The following TENM4 variants were observed in gnomAD, a reference collection of about 807,000 sequenced individuals.
TENM4 encodes the protein teneurin-4.
A neutral mutation model predicts 243.3 loss-of-function variants in TENM4; 82 were observed. The observed-to-expected ratio is 0.34, with a 90% CI of 0.28 to 0.40. The LOEUF (loss-of-function observed/expected upper bound fraction) is 0.40. Ranked by LOEUF, TENM4 falls within the 10% of genes least tolerant of loss-of-function variation. TENM4 has a pLI of 1.00. For missense variants in TENM4, 3,138 were observed against 3,673.3 expected, an observed-to-expected ratio of 0.85 and a Z score of 3.77; for synonymous variants, 1,412 against 1,456.3, an observed-to-expected ratio of 0.97 and a Z score of 0.69.
intron 1 of TENM4, among the ~76,000 whole-genome samples, chr11:79,330,178 T>C (rs992467007): frequency 6.6e-6 from 1 of 152,122 alleles, no homozygotes; most frequent in South Asian, 2.1e-4. Context: ...CTGGGAAGAA[T>C]GGTATACAAG....
chr11:79,261,071 G>A (rs1236828579), intron 2 of TENM4, among the ~76,000 whole-genome samples: 2 of 152,232 alleles, frequency 1.3e-5, no homozygotes, highest in Non-Finnish European at 2.9e-5. Context: ...TTTGCCATGA[G>A]GCACAGGGGG....
intron 1 of TENM4, among the ~76,000 whole-genome samples, chr11:79,431,649 A>C (rs919448114): frequency 2.0e-5 from 3 of 152,238 alleles, no homozygotes; most frequent in Non-Finnish European, 4.4e-5. Flanking sequence ...TAGTAAGACA[A>C]GTGAAAAATA....
chr11:79,274,918 G>A (rs575856848), intron 2 of TENM4, among the ~76,000 whole-genome samples: 91 of 152,292 alleles, frequency 6.0e-4, no homozygotes, highest in Middle Eastern at 3.4e-3. Context: ...TTTCCTGCAG[G>A]GAGTTGGGAA....
chr11:79,178,254 A>G (rs2135132084), intron 3 of TENM4, among the ~76,000 whole-genome samples: 1 of 152,290 alleles, frequency 6.6e-6, no homozygotes, highest in Non-Finnish European at 1.5e-5. Context: ...GGCTTTGTGC[A>G]TGTTAGGTTT....
chr11:79,222,383 AT>A (rs1211384171), intron 2 of TENM4, among the ~76,000 whole-genome samples: 1 of 151,502 alleles, frequency 6.6e-6, no homozygotes, highest in Non-Finnish European at 1.5e-5. Context: ...TATGTACAAC[AT>A]TTTTTTTCAT....
rs141470834 is a variant in TENM4, at chr11:79,128,632, C to A, written c.-66+20078G>T. ...GATGATTCTGCATGATATGCATGCA[C>A]CACCTGGAAGTGGACAGCTGCAGCA... is the stretch of plus-strand genomic sequence containing the variant. On this transcript the variant is annotated intron_variant, in intron 4 of 33. Coordinates refer to ENST00000278550, the MANE Select transcript of TENM4 (RefSeq NM_001098816.3). 6.9e-3 allele frequency among the ~76,000 whole-genome samples: 1,047 copies of A among 152,324 alleles called. 12 individuals are homozygous for A. Among genetic ancestry groups the A allele is most frequent in the African/African-American group, 0.024 (991 of 41,564 alleles).
intron 14 of TENM4, among the ~76,000 whole-genome samples, chr11:78,809,806 T>C (rs529155881): frequency 1.3e-5 from 2 of 152,286 alleles, no homozygotes; most frequent in South Asian, 2.1e-4. Flanking sequence ...GGCAGAAGCA[T>C]AGCCCATTAA....
chr11:79,148,003 C>G (rs2135049448), intron 4 of TENM4, among the ~76,000 whole-genome samples: 1 of 152,194 alleles, frequency 6.6e-6, no homozygotes, highest in South Asian at 2.1e-4. Context: ...CTTGTTTTCA[C>G]CAAGCTCAGA....
intron 6 of TENM4, among the ~76,000 whole-genome samples, chr11:78,946,835 T>G (rs2136475975): frequency 6.6e-6 from 1 of 152,258 alleles, no homozygotes; most frequent in South Asian, 2.1e-4. Context: ...AAAATAGAAG[T>G]GGAGCCTCAA....
At chr11:78,997,247 C>A (rs768088132) in intron 6 of TENM4, among the ~76,000 whole-genome samples, 5 of 152,192 alleles carry the variant, frequency 3.3e-5, no homozygotes, top group Non-Finnish European at 4.4e-5. Flanking sequence ...CCAGCGTGTT[C>A]TCTCCATGAG....
intron 6 of TENM4, among the ~76,000 whole-genome samples, chr11:79,059,875 G>A (rs1244688003): frequency 6.6e-6 from 1 of 152,170 alleles, no homozygotes; most frequent in East Asian, 1.9e-4. Flanking sequence ...AGGACTTGAG[G>A]CCAGGTCTCC....
chr11:79,294,100 A>AAATAT (rs1313455388), intron 2 of TENM4, among the ~76,000 whole-genome samples: 2 of 152,214 alleles, frequency 1.3e-5, no homozygotes, highest in African/African-American at 4.8e-5. Context: ...TCTTTAATGC[A>AAATAT]TGGCTAATGA....
intron 4 of TENM4, among the ~76,000 whole-genome samples, chr11:79,088,061 G>A (rs1047831200): frequency 6.6e-6 from 1 of 152,218 alleles, no homozygotes; most frequent in Admixed American, 6.5e-5. Context: ...TCCTCACTTT[G>A]TTCTCTTGAT....
chr11:78,847,743 A>C (rs1175136760), intron 12 of TENM4, among the ~76,000 whole-genome samples: 1 of 150,864 alleles, frequency 6.6e-6, no homozygotes, highest in Non-Finnish European at 1.5e-5. Context: ...ATATCTTATA[A>C]TATAATTCAG....
intron 6 of TENM4, among the ~76,000 whole-genome samples, chr11:78,929,625 G>A (rs186020130): frequency 2.0e-4 from 31 of 152,198 alleles, no homozygotes; most frequent in African/African-American, 6.7e-4. Flanking sequence ...CAGGGCCCCC[G>A]GGGGAGATGG....
At chr11:79,228,755 A>G (rs989414697) in intron 2 of TENM4, among the ~76,000 whole-genome samples, 2 of 152,188 alleles carry the variant, frequency 1.3e-5, no homozygotes, top group Non-Finnish European at 2.9e-5. Context: ...CCAGTTAGAG[A>G]TTATAGAAAA....
At chr11:79,076,924 G>A (rs1860548610) in intron 4 of TENM4, among the ~76,000 whole-genome samples, 1 of 152,034 alleles carries the variant, frequency 6.6e-6, no homozygotes, top group South Asian at 2.1e-4. Flanking sequence ...TTATCAATGA[G>A]ATAACAAGCC....
chr11:78,942,545 G>A (rs528692860), intron 6 of TENM4, among the ~76,000 whole-genome samples: 125 of 152,208 alleles, frequency 8.2e-4, no homozygotes, highest in African/African-American at 2.8e-3. Context: ...GGCTGCAGGC[G>A]GCCTGTGGGC....
rs113224607 is a variant in TENM4, at chr11:79,065,249, G to T, written c.224-242C>A. Among the ~76,000 whole-genome samples the T allele has an allele frequency of 3.0e-3, 457 of 152,242 alleles. 4 individuals carry two copies. Among genetic ancestry groups the T allele is most frequent in the African/African-American group, 0.01 (424 of 41,534 alleles). ...TCAACTCAAATGGCACCTGCTCTGT[G>T]AAGTCTACCCCAATACCAACACCTG... is the stretch of plus-strand genomic sequence containing the variant. On this transcript the variant is annotated intron_variant, in intron 5 of 33. Coordinates refer to ENST00000278550, the MANE Select transcript of TENM4 (RefSeq NM_001098816.3).
Sources: gnomAD v4.1 joint callset for allele counts (sites outside exome capture counted in the v4.1 genomes callset) on GRCh38, gnomAD v4.1.1 for gene constraint, MANE v1.5 for transcripts, NCBI Gene and HGNC (gene_info 2026-07-23, HGNC 2026-07-21) for gene names.